RABGEF1: variants seen among roughly 807,000 people sequenced by gnomAD.
RABGEF1 encodes the protein rab5 GDP/GTP exchange factor.
In RABGEF1, 26 loss-of-function variants were observed where a neutral mutation model predicts 57.3. That is an observed-to-expected ratio of 0.45 (90% CI 0.33 to 0.63). The LOEUF (loss-of-function observed/expected upper bound fraction) is 0.63. Among genes scored for constraint, RABGEF1 ranks in the 20% least tolerant of loss-of-function variants. The probability of loss-of-function intolerance (pLI) is 0.02; values close to 1 mark genes in which losing one functional copy is unlikely to be tolerated. For synonymous variants in RABGEF1, 185 were observed against 210.7 expected, an observed-to-expected ratio of 0.88 and a Z score of 1.06; for missense variants, 464 against 607.6, an observed-to-expected ratio of 0.76 and a Z score of 2.48.
chr7:66,670,638 G>T, the RABGEF1 span, among the ~76,000 whole-genome samples: 1 of 151,600 alleles, frequency 6.6e-6, no homozygotes, highest in Admixed American at 6.6e-5. Flanking sequence ...TGAGGCCAGG[G>T]GTTCAAGACC....
At chr7:66,656,806 G>C in the RABGEF1 span, among the ~76,000 whole-genome samples, 1 of 77,108 alleles carries the variant, frequency 1.3e-5, no homozygotes, top group Non-Finnish European at 2.5e-5. Context: ...GGCAACAAGA[G>C]TGAAACTGCA....
intron 1 of RABGEF1, among the ~76,000 whole-genome samples, chr7:66,767,739 T>C (rs2129101134): frequency 6.6e-6 from 1 of 152,306 alleles, no homozygotes; most frequent in South Asian, 2.1e-4. Context: ...AGGGAGAAGG[T>C]ATCTTCATTG....
chr7:66,782,237 A>G (rs1408225234), intron 3 of RABGEF1, among the ~76,000 whole-genome samples: 1 of 152,220 alleles, frequency 6.6e-6, no homozygotes, highest in South Asian at 2.1e-4. Flanking sequence ...AACATAGTAT[A>G]TCCAAATGGT....
At chr7:66,742,901 C>G (rs879600660) in intron 1 of RABGEF1, among the ~76,000 whole-genome samples, 9 of 152,178 alleles carry the variant, frequency 5.9e-5, no homozygotes, top group Non-Finnish European at 1.0e-4. Flanking sequence ...GCTACCGAGC[C>G]TGGAGGGTCG....
chr7:66,756,129 G>T (rs533758278), intron 1 of RABGEF1: 1 of 1,152,110 alleles, frequency 8.7e-7, no homozygotes, highest in Non-Finnish European at 1.2e-6. Flanking sequence ...AAAGAAAATA[G>T]TAATGACATA....
chr7:66,687,586 G>A (rs1312849933), intron 1 of RABGEF1, among the ~76,000 whole-genome samples: 1 of 152,078 alleles, frequency 6.6e-6, no homozygotes, highest in East Asian at 1.9e-4. Flanking sequence ...AGTTGAGGTG[G>A]GAGGATCTCT....
the RABGEF1 span, among the ~76,000 whole-genome samples, chr7:66,655,567 A>G: frequency 6.6e-6 from 1 of 152,164 alleles, no homozygotes; most frequent in Admixed American, 6.5e-5. Flanking sequence ...ATGGGATCTC[A>G]CAATGTTACC....
intron 2 of RABGEF1, 42 bp from the exon 3 acceptor site, chr7:66,775,185 T>A: frequency 1.3e-6 from 2 of 1,565,366 alleles, no homozygotes; most frequent in Non-Finnish European, 8.6e-7. Context: ...AGAGAAACCT[T>A]GGAGAATATC....
intron 3 of RABGEF1, among the ~76,000 whole-genome samples, chr7:66,778,741 G>A (rs2129131214): frequency 6.6e-6 from 1 of 152,228 alleles, no homozygotes; most frequent in South Asian, 2.1e-4. Flanking sequence ...CAATATTTTG[G>A]GGACATTTCA....
chr7:66,788,225 T>TC (rs1811684750), intron 4 of RABGEF1, among the ~76,000 whole-genome samples: 2 of 152,104 alleles, frequency 1.3e-5, no homozygotes, highest in South Asian at 4.1e-4. Context: ...GGTGGGTGGA[T>TC]CACGAGGTCA....
At chr7:66,712,154 G>C (rs747236382) in intron 1 of RABGEF1, 2 of 152,108 alleles carry the variant, frequency 1.3e-5, no homozygotes, top group Non-Finnish European at 2.9e-5. Context: ...TCTGTGTTTT[G>C]TTAAATCTAC....
upstream of RABGEF1, among the ~76,000 whole-genome samples, chr7:66,682,001 CTACTCTGTG>C (rs1789788794): frequency 6.6e-6 from 1 of 152,232 alleles, no homozygotes; most frequent in Admixed American, 6.5e-5. Context: ...GAGCGGCACC[CTACTCTGTG>C]TAAGCCTTTG....
chr7:66,694,140 C>T (rs185208712), intron 1 of RABGEF1, among the ~76,000 whole-genome samples: 153 of 152,290 alleles, frequency 1.0e-3, no homozygotes, highest in African/African-American at 3.6e-3. Context: ...TCCCTCTGCT[C>T]CAAGCCTGCA....
At position 66,690,164 on chromosome 7, in the gene RABGEF1, C is replaced by A. The variant is rs570997689; in HGVS notation, c.-873+7906C>A. On this transcript the variant is annotated intron_variant and NMD_transcript_variant, in intron 1 of 9. Transcript: ENST00000607882. ...TCGCCCAGGCTGGAGTGCAGTGGTG[C>A]GATCTTGGCTCACTGCAACCTCTGC... 1.5e-3 allele frequency among the ~76,000 whole-genome samples: 216 copies of A among 142,446 alleles called. 1 individual carries two copies. Among genetic ancestry groups the A allele is most frequent in the African/African-American group, 5.5e-3 (210 of 37,968 alleles). The allele number at this position is 142,446 out of a possible 152,430, so 93.5% of individuals were successfully genotyped here.
chr7:66,734,483 A>G (rs1363268712), intron 2 of RABGEF1, among the ~76,000 whole-genome samples: 1 of 151,610 alleles, frequency 6.6e-6, no homozygotes, highest in African/African-American at 2.4e-5. Context: ...TTTAGTAGAG[A>G]TGGGGTTTTG....
chr7:66,804,551 A>T (rs772139153), intron 7 of RABGEF1, among the ~76,000 whole-genome samples: 13 of 152,148 alleles, frequency 8.5e-5, no homozygotes, highest in Non-Finnish European at 1.5e-4. Flanking sequence ...CCTGGCCAAC[A>T]TGGTGAAACC....
chr7:66,807,517 C>T lies in RABGEF1; in HGVS notation c.1078-1369C>T, dbSNP rs537903550. ...TGCATCTCTCTTCCTGCACCATCTTCTCTGTCACAGAGCTGTCACTCACTG... is the reference window on the plus strand; with the variant it reads ...TGCATCTCTCTTCCTGCACCATCTTTTCTGTCACAGAGCTGTCACTCACTG... On this transcript the variant is annotated intron_variant, in intron 8 of 8. Coordinates refer to ENST00000284957, the MANE Select transcript of RABGEF1 (RefSeq NM_014504.3). Among the ~76,000 whole-genome samples, 16 of 152,338 alleles carry T rather than the reference C, an allele frequency of 1.1e-4. No homozygotes were observed. The East Asian group carries it at 3.1e-3, about 29-fold the overall frequency.
In RABGEF1 at chr7:66,686,828, C is replaced by CT. The variant is rs1051966745; in HGVS notation, c.-873+4581dup. On this transcript the variant is annotated intron_variant and NMD_transcript_variant, in intron 1 of 9. Transcript: ENST00000607882. ...TATAGTAGAACTTTTTTTTCTTTTT[C>CT]TTTTTTTTTTTGAGATGGAGTCTTC... 3.0e-3 allele frequency among the ~76,000 whole-genome samples: 426 copies of CT among 144,334 alleles called. 1 individual carries two copies. The highest frequency in any genetic ancestry group is 7.5e-3 in the African/African-American group (297 of 39,668). The allele number at this position is 144,334 out of a possible 152,430, so 94.7% of individuals were successfully genotyped here. A position where few individuals can be genotyped will look rare whatever the true frequency, so the allele number is the denominator to read the frequency against.
intron 1 of RABGEF1, among the ~76,000 whole-genome samples, chr7:66,698,853 G>C (rs1009449500): frequency 1.1e-4 from 16 of 152,138 alleles, no homozygotes; most frequent in Non-Finnish European, 2.2e-4. Context: ...TTCTAACCTC[G>C]GTTTTCCTCA....
Sources: gnomAD v4.1 joint callset for allele counts (sites outside exome capture counted in the v4.1 genomes callset) on GRCh38, gnomAD v4.1.1 for gene constraint, MANE v1.5 for transcripts, NCBI Gene and HGNC (gene_info 2026-07-23, HGNC 2026-07-21) for gene names.